ODAD2: variants seen among roughly 807,000 people sequenced by gnomAD.
ODAD2 encodes the protein outer dynein arm docking complex subunit 2, also known as outer dynein arm-docking complex subunit 2.
A neutral mutation model predicts 106.8 loss-of-function variants in ODAD2; 89 were observed. That is an observed-to-expected ratio of 0.83 (90% CI 0.70 to 0.99). ODAD2 has a LOEUF of 0.99. Ranked by LOEUF, ODAD2 falls within the 50% of genes least tolerant of loss-of-function variation. The pLI is 0.00. For missense variants in ODAD2, 1,168 were observed against 1,238.5 expected (o/e 0.94, Z 0.85); for synonymous variants, 404 against 436.2 (o/e 0.93, Z 0.92).
At position 27,934,913 on chromosome 10, in the gene ODAD2, C is replaced by T. The variant is rs958936537; in HGVS notation, c.2495+97G>A. Reference sequence around the variant, plus strand: ...TGACACACTGTATTTTTTCATCATTCGTGCACATCAATTCTAAGTGATGAC... The same window carrying T: ...TGACACACTGTATTTTTTCATCATTTGTGCACATCAATTCTAAGTGATGAC... On this transcript the variant is annotated intron_variant, in intron 16 of 19. Coordinates refer to ENST00000305242, the MANE Select transcript of ODAD2 (RefSeq NM_018076.5). The T allele has an allele frequency of 1.6e-4, 222 of 1,405,018 alleles. 1 individual carries two copies. Among genetic ancestry groups the T allele is most frequent in the Middle Eastern group, 1.8e-4 (1 of 5,468 alleles). 87.0% of individuals were successfully genotyped at this position (1,405,018 alleles called of 1,614,324 possible).
intron 17 of ODAD2, among the ~76,000 whole-genome samples, chr10:27,894,532 A>C (rs963744839): frequency 6.6e-6 from 1 of 152,132 alleles, no homozygotes; most frequent in South Asian, 2.1e-4. Flanking sequence ...AAGGGTCAGC[A>C]GTAACTATTT....
Position 27,995,000 on chromosome 10 carries a change from T to C in ODAD2, c.143A>G (p.Glu48Gly), listed in dbSNP as rs751140455. The C allele has an allele frequency of 2.4e-5, 39 of 1,614,066 alleles. No homozygotes were observed. The highest frequency in any genetic ancestry group is 3.1e-5 in the Non-Finnish European group (36 of 1,180,046). The change falls in exon 2 of 20, where the codon GAG (glutamate) becomes GGG (glycine). Residue 48 changes from glutamate (E) to glycine (G), a missense_variant. By Grantham distance (98) the Glu-to-Gly change is moderately conservative. Transcript: ENST00000305242. ...TGGTTCCACAAAAACAAATTTTGCC[T>C]CTTGAGGATGTTTATAGATAAAACT... ...VESFIYKHPQ[E>G]AKFVFVEPLE...
intron 17 of ODAD2, among the ~76,000 whole-genome samples, chr10:27,899,819 A>G (rs1843078763): frequency 6.6e-6 from 1 of 152,142 alleles, no homozygotes; most frequent in South Asian, 2.1e-4. Context: ...TCCAGTCAGG[A>G]GCTTATACAT....
At chr10:27,827,744 TA>T (rs1203831634) in intron 19 of ODAD2, among the ~76,000 whole-genome samples, 3 of 151,956 alleles carry the variant, frequency 2.0e-5, no homozygotes, top group African/African-American at 7.3e-5. Context: ...CAAACCAGAG[TA>T]ACTTCTAAAG....
intron 6 of ODAD2, 33 bp downstream of exon 6, chr10:27,983,810 T>C: frequency 6.2e-7 from 1 of 1,603,274 alleles, no homozygotes; most frequent in Non-Finnish European, 8.5e-7. Flanking sequence ...CAAAGTCCAC[T>C]GGCTTTAGTT....
chr10:27,924,016 AAGAAAGAAGGAAAG>A (rs1845031304), intron 16 of ODAD2, among the ~76,000 whole-genome samples: 3 of 131,424 alleles, frequency 2.3e-5, no homozygotes, highest in South Asian at 2.4e-4. Context: ...GAAAGAAAGA[AAGAAAGAAGGAAAG>A]AGAAAGAAAG....
chr10:27,883,922 AG>A (rs1841906037), intron 17 of ODAD2, among the ~76,000 whole-genome samples: 2 of 151,842 alleles, frequency 1.3e-5, no homozygotes, highest in Admixed American at 1.3e-4. Context: ...ATAGCTTCAG[AG>A]ACCTGGGGGA....
intron 17 of ODAD2, among the ~76,000 whole-genome samples, chr10:27,899,403 C>A (rs773901838): frequency 6.6e-6 from 1 of 152,110 alleles, no homozygotes; most frequent in African/African-American, 2.4e-5. Context: ...AGCAGACACC[C>A]AGCTAGCTGC....
chr10:27,877,550 A>C (rs960941781), intron 17 of ODAD2, among the ~76,000 whole-genome samples: 2 of 152,182 alleles, frequency 1.3e-5, no homozygotes, highest in Admixed American at 1.3e-4. Context: ...TTAGATTTAA[A>C]GATTTTAAAC....
chr10:27,926,198 C>A (rs182429487), intron 16 of ODAD2, among the ~76,000 whole-genome samples: 1 of 152,048 alleles, frequency 6.6e-6, no homozygotes, highest in Non-Finnish European at 1.5e-5. Flanking sequence ...ATGGTAACTA[C>A]ATTCTAATAA....
intron 17 of ODAD2, among the ~76,000 whole-genome samples, chr10:27,887,865 C>T (rs951036117): frequency 6.6e-6 from 1 of 151,858 alleles, no homozygotes; most frequent in African/African-American, 2.4e-5. Flanking sequence ...ACCCAAATAA[C>T]TAAAATTAGA....
chr10:27,882,031 T>C (rs1841741857), intron 17 of ODAD2, among the ~76,000 whole-genome samples: 3 of 151,892 alleles, frequency 2.0e-5, no homozygotes, highest in Non-Finnish European at 4.4e-5. Flanking sequence ...TAGCTGGGCA[T>C]GGTGGCATGT....
chr10:27,866,562 G>A (rs1052186725), intron 17 of ODAD2, among the ~76,000 whole-genome samples: 1 of 152,118 alleles, frequency 6.6e-6, no homozygotes, highest in Non-Finnish European at 1.5e-5. Context: ...AAGAAGATAA[G>A]TTTATTTGGC....
At chr10:27,937,082 A>G (rs1258202998) in intron 14 of ODAD2, among the ~76,000 whole-genome samples, 2 of 152,156 alleles carry the variant, frequency 1.3e-5, no homozygotes, top group African/African-American at 4.8e-5. Flanking sequence ...GGCTTTGGGA[A>G]TGGATAGCAG....
At chr10:27,862,829 T>C (rs1840152400) in intron 17 of ODAD2, among the ~76,000 whole-genome samples, 1 of 152,346 alleles carries the variant, frequency 6.6e-6, no homozygotes, top group African/African-American at 2.4e-5. Flanking sequence ...TATATACATA[T>C]GTAGCACATA....
At chr10:27,934,914 G>C in intron 16 of ODAD2, 96 bp downstream of exon 16, 1 of 1,407,190 alleles carries the variant, frequency 7.1e-7, no homozygotes, top group Non-Finnish European at 9.8e-7. Context: ...TTCATCATTC[G>C]TGCACATCAA....
chr10:27,921,521 T>TA (rs551485004), intron 16 of ODAD2, among the ~76,000 whole-genome samples: 9,855 of 146,894 alleles, frequency 0.067, 1,011 homozygotes, highest in African/African-American at 0.22. Context: ...TTCCAGTAAT[T>TA]AAAAAAAAAA....
intron 14 of ODAD2, among the ~76,000 whole-genome samples, chr10:27,938,544 C>T (rs2134118036): frequency 6.6e-6 from 1 of 152,152 alleles, no homozygotes; most frequent in Non-Finnish European, 1.5e-5. Context: ...GCAGCCCTCC[C>T]TCACAACCTA....
chr10:27,950,848 T>C (rs1056149164), intron 10 of ODAD2, among the ~76,000 whole-genome samples: 1 of 152,150 alleles, frequency 6.6e-6, no homozygotes, highest in African/African-American at 2.4e-5. Context: ...TTATAGCAAA[T>C]ATAATTATCT....
Sources: gnomAD v4.1 joint callset for allele counts (sites outside exome capture counted in the v4.1 genomes callset) on GRCh38, gnomAD v4.1.1 for gene constraint, MANE v1.5 for transcripts, NCBI Gene and HGNC (gene_info 2026-07-23, HGNC 2026-07-21) for gene names.